Variants in TBC1D5 observed in about 807,000 individuals in gnomAD.
TBC1D5 encodes TBC1 domain family member 5.
A neutral mutation model predicts 100.3 loss-of-function variants in TBC1D5; 75 were observed. The observed-to-expected ratio is 0.75, with a 90% CI of 0.62 to 0.91. The LOEUF (loss-of-function observed/expected upper bound fraction) is 0.91. Ranked by LOEUF, TBC1D5 falls within the 40% of genes least tolerant of loss-of-function variation. The pLI is 0.00. For missense variants in TBC1D5, 910 were observed against 942.4 expected (o/e 0.97, Z 0.45); for synonymous variants, 323 against 325.6 (o/e 0.99, Z 0.09).
intron 13 of TBC1D5, among the ~76,000 whole-genome samples, chr3:17,360,367 G>A (rs905597121): frequency 1.3e-5 from 2 of 152,018 alleles, no homozygotes; most frequent in Non-Finnish European, 1.5e-5. Flanking sequence ...ATAACCTGAA[G>A]TTGATCAAGT....
chr3:17,626,336 T>G (rs2063057438), intron 1 of TBC1D5, among the ~76,000 whole-genome samples: 1 of 152,204 alleles, frequency 6.6e-6, no homozygotes, highest in South Asian at 2.1e-4. Context: ...CATACCTTTC[T>G]TGTTTAACTT....
chr3:17,344,460 A>G (rs532782760), intron 13 of TBC1D5, among the ~76,000 whole-genome samples: 48 of 151,542 alleles, frequency 3.2e-4, no homozygotes, highest in Non-Finnish European at 4.1e-4. Context: ...ATGGGTAGGA[A>G]GAATCAATAT....
chr3:17,661,188 G>A (rs1397493226), intron 1 of TBC1D5, among the ~76,000 whole-genome samples: 2 of 152,224 alleles, frequency 1.3e-5, no homozygotes, highest in East Asian at 3.9e-4. Context: ...GACTCTACAA[G>A]GACACTCCGC....
chr3:17,513,440 T>G (rs2095939813), intron 2 of TBC1D5, among the ~76,000 whole-genome samples: 1 of 152,204 alleles, frequency 6.6e-6, no homozygotes, highest in Non-Finnish European at 1.5e-5. Flanking sequence ...TATTTTCTCT[T>G]TTAAAATGGC....
intron 1 of TBC1D5, among the ~76,000 whole-genome samples, chr3:17,704,411 T>C (rs1279737946): frequency 6.6e-6 from 1 of 151,458 alleles, no homozygotes; most frequent in African/African-American, 2.4e-5. Context: ...ATTGTCATCC[T>C]GGCCCGTTCT....
At chr3:17,507,951 CT>C (rs1311006683) in intron 3 of TBC1D5, among the ~76,000 whole-genome samples, 1 of 151,674 alleles carries the variant, frequency 6.6e-6, no homozygotes, top group Non-Finnish European at 1.5e-5. Context: ...TACATTTTAA[CT>C]GTCTACCACT....
At chr3:17,217,163 G>A (rs944879720) in intron 17 of TBC1D5, among the ~76,000 whole-genome samples, 1 of 151,968 alleles carries the variant, frequency 6.6e-6, no homozygotes, top group Non-Finnish European at 1.5e-5. Flanking sequence ...CTTTCTCTTG[G>A]GACAGTGCTT....
chr3:17,167,078 G>A, intron 20 of TBC1D5, 150 bp from the exon 22 acceptor site: 1 of 859,510 alleles, frequency 1.2e-6, no homozygotes, highest in South Asian at 2.6e-5. Context: ...AACAAATAAT[G>A]AGAAAAAAAT....
chr3:17,428,433 ATG>A lies in TBC1D5; in HGVS notation c.167+15_167+16del, dbSNP rs1459482502. 9 of 777,110 alleles carry A rather than the reference ATG, an allele frequency of 1.2e-5. No homozygotes were observed. The highest frequency in any genetic ancestry group is 3.6e-5 in the East Asian group (1 of 27,654). The allele number at this position is 777,110 out of a possible 1,614,324, so 48.1% of individuals were successfully genotyped here. A position where few individuals can be genotyped will look rare whatever the true frequency, so the allele number is the denominator to read the frequency against. On this transcript the variant is annotated intron_variant, in intron 4 of 21. Coordinates refer to ENST00000253692, the Ensembl canonical transcript of TBC1D5. ...TGTGTATATATATATATATATATATATGTATTCATCACCTACCTATAGGAATT... is the reference window on the plus strand; with the variant it reads ...TGTGTATATATATATATATATATATATATTCATCACCTACCTATAGGAATT...
intron 3 of TBC1D5, among the ~76,000 whole-genome samples, chr3:17,450,374 A>C (rs1343791350): frequency 6.6e-6 from 1 of 152,214 alleles, no homozygotes; most frequent in African/African-American, 2.4e-5. Flanking sequence ...AAAACTGGAC[A>C]GAGAATGAGT....
At chr3:17,630,143 A>C (rs548413430) in intron 1 of TBC1D5, among the ~76,000 whole-genome samples, 4 of 152,214 alleles carry the variant, frequency 2.6e-5, no homozygotes, top group Non-Finnish European at 5.9e-5. Flanking sequence ...GGAAGTTCTC[A>C]ACCAAGTCAT....
At chr3:17,526,095 G>C (rs1318234412) in intron 2 of TBC1D5, among the ~76,000 whole-genome samples, 3 of 152,106 alleles carry the variant, frequency 2.0e-5, no homozygotes, top group Non-Finnish European at 2.9e-5. Flanking sequence ...TCTTCCAAGA[G>C]AATAAAAGGG....
chr3:17,263,520 A>G (rs949937777), intron 15 of TBC1D5, among the ~76,000 whole-genome samples: 2 of 152,162 alleles, frequency 1.3e-5, no homozygotes, highest in Non-Finnish European at 2.9e-5. Context: ...CTTTCACAAG[A>G]TTTCAGTTCA....
At chr3:17,485,517 G>A (rs2095554301) in intron 3 of TBC1D5, among the ~76,000 whole-genome samples, 1 of 110,750 alleles carries the variant, frequency 9.0e-6, no homozygotes, top group African/African-American at 3.6e-5. Flanking sequence ...ACAGTCCCCA[G>A]AGTGTGATGT....
chr3:17,534,559 A>G (rs1414627717), intron 2 of TBC1D5, among the ~76,000 whole-genome samples: 1 of 152,170 alleles, frequency 6.6e-6, no homozygotes, highest in Non-Finnish European at 1.5e-5. Context: ...AACACTTCAC[A>G]ATGCTTCTGA....
chr3:17,204,302 T>G (rs560208936), intron 18 of TBC1D5, among the ~76,000 whole-genome samples: 84 of 152,184 alleles, frequency 5.5e-4, no homozygotes, highest in Non-Finnish European at 8.8e-4. Flanking sequence ...TTTCCTTCCC[T>G]GTCATGCACA....
intron 15 of TBC1D5, among the ~76,000 whole-genome samples, chr3:17,269,540 A>G (rs956346535): frequency 2.6e-5 from 4 of 152,080 alleles, no homozygotes; most frequent in Non-Finnish European, 5.9e-5. Context: ...GTTTGTTTCA[A>G]GGGTATATTG....
intron 1 of TBC1D5, among the ~76,000 whole-genome samples, chr3:17,705,467 C>T (rs2073995012): frequency 1.3e-5 from 2 of 149,516 alleles, no homozygotes; most frequent in Non-Finnish European, 3.0e-5. Context: ...AGCTGTCGGG[C>T]GGAGGGGCTC....
chr3:17,628,238 T>C, intron 1 of TBC1D5, among the ~76,000 whole-genome samples: 1 of 150,848 alleles, frequency 6.6e-6, no homozygotes, highest in Non-Finnish European at 1.5e-5. Context: ...GGCATGGAGG[T>C]GGATGCCTGT....
Sources: gnomAD v4.1 joint callset for allele counts (sites outside exome capture counted in the v4.1 genomes callset) on GRCh38, gnomAD v4.1.1 for gene constraint, MANE v1.5 for transcripts, NCBI Gene and HGNC (gene_info 2026-07-23, HGNC 2026-07-21) for gene names.